DMRT1: variants seen among roughly 807,000 people sequenced by gnomAD.
DMRT1 encodes the protein doublesex and mab-3 related transcription factor 1, also known as doublesex- and mab-3-related transcription factor 1.
A neutral mutation model predicts 32.3 loss-of-function variants in DMRT1; 7 were observed. The ratio of observed to expected loss-of-function variants is 0.22; its 90% confidence interval spans 0.12 to 0.41. The LOEUF is 0.41. Ranked by LOEUF, DMRT1 falls within the 10% of genes least tolerant of loss-of-function variation. DMRT1 has a pLI of 1.00. For missense variants in DMRT1, 625 were observed against 500.5 expected (o/e 1.25, Z -2.37); for synonymous variants, 278 against 206.1 (o/e 1.35, Z -2.99).
chr9:915,734 A>AAT (rs578117845), intron 3 of DMRT1, among the ~76,000 whole-genome samples: 1 of 151,302 alleles, frequency 6.6e-6, no homozygotes, highest in Non-Finnish European at 1.5e-5. Context: ...TGTTTTTTTT[A>AAT]ATATATATAT....
At chr9:881,297 A>G (rs538515470) in intron 2 of DMRT1, among the ~76,000 whole-genome samples, 16 of 152,236 alleles carry the variant, frequency 1.1e-4, no homozygotes, top group Non-Finnish European at 2.1e-4. Context: ...AAATTGAACT[A>G]GGTATAATCT....
At chr9:848,698 C>T (rs557126369) in intron 2 of DMRT1, among the ~76,000 whole-genome samples, 6 of 149,858 alleles carry the variant, frequency 4.0e-5, no homozygotes, top group South Asian at 4.2e-4. Context: ...GGACTACAGG[C>T]GCCCGCCACC....
chr9:940,312 G>T (rs932256138), intron 4 of DMRT1, among the ~76,000 whole-genome samples: 8 of 152,146 alleles, frequency 5.3e-5, no homozygotes, highest in Admixed American at 5.2e-4. Context: ...GGAAACCCAA[G>T]TGCCCATCAA....
intron 2 of DMRT1, among the ~76,000 whole-genome samples, chr9:856,697 A>T (rs969903468): frequency 2.6e-5 from 4 of 152,114 alleles, no homozygotes; most frequent in Non-Finnish European, 5.9e-5. Flanking sequence ...GTTGCTGTGA[A>T]CTTGTGTGCA....
chr9:923,410 C>T (rs1253422069), intron 4 of DMRT1, among the ~76,000 whole-genome samples: 1 of 152,112 alleles, frequency 6.6e-6, no homozygotes, highest in Non-Finnish European at 1.5e-5. Flanking sequence ...CAAATGCTTC[C>T]CTGAGAGCCT....
At chr9:967,430 T>G (rs1397875356) in intron 4 of DMRT1, among the ~76,000 whole-genome samples, 1 of 152,258 alleles carries the variant, frequency 6.6e-6, no homozygotes, top group Non-Finnish European at 1.5e-5. Flanking sequence ...TTACTGTCTT[T>G]TACTTTTTAA....
intron 2 of DMRT1, among the ~76,000 whole-genome samples, chr9:893,077 TGGTA>T (rs144681375): frequency 0.073 from 10,976 of 150,534 alleles, 581 homozygotes; most frequent in East Asian, 0.14. Flanking sequence ...TGATGGTAGG[TGGTA>T]GGTGGTATTC....
intron 2 of DMRT1, among the ~76,000 whole-genome samples, chr9:852,587 T>G (rs73382583): frequency 0.017 from 2,550 of 152,306 alleles, 78 homozygotes; most frequent in African/African-American, 0.057. Flanking sequence ...TCCTCTCCTT[T>G]TCTGTGCAGA....
At chr9:899,781 G>T (rs1247364908) in intron 3 of DMRT1, among the ~76,000 whole-genome samples, 2 of 152,252 alleles carry the variant, frequency 1.3e-5, no homozygotes, top group African/African-American at 4.8e-5. Context: ...CGAGTGAGCA[G>T]AAATAAATAT....
At chr9:842,234 T>G (rs1460879262) in intron 1 of DMRT1, 42 bp downstream of exon 1, 5 of 1,308,096 alleles carry the variant, frequency 3.8e-6, no homozygotes, top group East Asian at 8.3e-5. Flanking sequence ...GCCTTAGTTT[T>G]TTTTTTTTTT....
chr9:875,273 C>G (rs1816448525), intron 2 of DMRT1, among the ~76,000 whole-genome samples: 1 of 152,082 alleles, frequency 6.6e-6, no homozygotes, highest in African/African-American at 2.4e-5. Flanking sequence ...GTGGGTGAGG[C>G]TAGTGGTTGA....
chr9:894,761 A>G (rs2132653673), intron 3 of DMRT1: 2 of 167,816 alleles, frequency 1.2e-5, no homozygotes, highest in South Asian at 3.1e-4. Flanking sequence ...TTCGCTAGGA[A>G]TAGAGGTCAG....
chr9:881,377 T>C (rs1816730977), intron 2 of DMRT1, among the ~76,000 whole-genome samples: 1 of 152,230 alleles, frequency 6.6e-6, no homozygotes, highest in Non-Finnish European at 1.5e-5. Flanking sequence ...TATACATTTA[T>C]GTAGAGGTCC....
intron 2 of DMRT1, among the ~76,000 whole-genome samples, chr9:848,127 G>C (rs1343096298): frequency 6.6e-6 from 1 of 152,206 alleles, no homozygotes; most frequent in East Asian, 1.9e-4. Context: ...ATGAAATACA[G>C]CCTAGCAGTG....
At chr9:881,030 T>G (rs1816715538) in intron 2 of DMRT1, among the ~76,000 whole-genome samples, 1 of 152,266 alleles carries the variant, frequency 6.6e-6, no homozygotes, top group South Asian at 2.1e-4. Flanking sequence ...GTTCTCAACT[T>G]GCTCTGCCTG....
At chr9:867,128 G>T (rs374082276) in intron 2 of DMRT1, among the ~76,000 whole-genome samples, 1 of 152,156 alleles carries the variant, frequency 6.6e-6, no homozygotes, top group African/African-American at 2.4e-5. Context: ...ATTTACAGCA[G>T]TGGAGAGGAG....
chr9:909,724 T>C (rs1056585444), intron 3 of DMRT1, among the ~76,000 whole-genome samples: 1 of 1,498 alleles, frequency 6.7e-4, no homozygotes, highest in Non-Finnish European at 1.4e-3. Flanking sequence ...TTGTTTCTGT[T>C]TTTTTTTGAA....
chr9:930,142 G>A (rs191471402), intron 4 of DMRT1, among the ~76,000 whole-genome samples: 2 of 152,190 alleles, frequency 1.3e-5, no homozygotes, highest in East Asian at 1.9e-4. Context: ...CTCCAAATAC[G>A]GAGCCTTTTC....
intron 4 of DMRT1, among the ~76,000 whole-genome samples, chr9:942,985 C>T (rs1819125493): frequency 6.6e-6 from 1 of 151,912 alleles, no homozygotes. Flanking sequence ...TCTGCACACC[C>T]CTCCCCCCAA....
Sources: allele counts gnomAD v4.1 joint callset (sites outside exome capture counted in the v4.1 genomes callset), GRCh38; gene constraint gnomAD v4.1.1; transcripts MANE v1.5; gene names NCBI Gene and HGNC (gene_info 2026-07-23, HGNC 2026-07-21).